ADISSP: variants seen among roughly 807,000 people sequenced by gnomAD.
The protein encoded by ADISSP is adipose-secreted signaling protein.
chr20:3,753,825 A>T, the ADISSP span: 1 of 574,448 alleles, frequency 1.7e-6, no homozygotes, highest in African/African-American at 1.9e-5. Flanking sequence ...GGCTCAACCC[A>T]TTTCTTCCGG....
At chr20:3,754,045 G>GGGGCCTC in the ADISSP span, 9 of 1,595,446 alleles carry the variant, frequency 5.6e-6, no homozygotes, top group Non-Finnish European at 7.7e-6. Flanking sequence ...CGGGGCAGGC[G>GGGGCCTC]GGGCCTCGGG....
chr20:3,758,670 G>C, the ADISSP span: 3 of 1,614,004 alleles, frequency 1.9e-6, no homozygotes, highest in Non-Finnish European at 2.5e-6. The surrounding 1 kb of genome is among the most constrained non-coding windows in gnomAD (Gnocchi z 5.5). Context: ...CGGACTCTGG[G>C]CTTGTTGCCT....
At chr20:3,755,528 C>T in the ADISSP span, 205 of 1,613,302 alleles carry the variant, frequency 1.3e-4, 2 homozygotes, top group South Asian at 1.9e-3. Context: ...AGGTGCCTCG[C>T]GGACATCCTT....
the ADISSP span, among the ~76,000 whole-genome samples, chr20:3,757,959 C>T: frequency 6.6e-6 from 1 of 151,960 alleles, no homozygotes; most frequent in African/African-American, 2.4e-5. Flanking sequence ...GATTTATTGA[C>T]CAACCTGAAG....
the ADISSP span, chr20:3,758,529 C>G: frequency 6.2e-7 from 1 of 1,608,226 alleles, no homozygotes; most frequent in Admixed American, 1.7e-5. The surrounding 1 kb of genome is among the most constrained non-coding windows in gnomAD (Gnocchi z 5.5). Flanking sequence ...GGTAGGTGTG[C>G]ATGTACCTTG....
At chr20:3,754,184 C>T in the ADISSP span, 1 of 1,589,604 alleles carries the variant, frequency 6.3e-7, no homozygotes, top group Non-Finnish European at 8.6e-7. Flanking sequence ...CAAGTCAGTG[C>T]CATGCTGGCC....
the ADISSP span, chr20:3,754,078 C>T: frequency 8.7e-6 from 14 of 1,613,052 alleles, no homozygotes; most frequent in East Asian, 6.7e-5. Flanking sequence ...CCGTGCCAGT[C>T]GCTGTGCTCT....
the ADISSP span, chr20:3,760,119 G>A: frequency 1.9e-5 from 31 of 1,599,448 alleles, no homozygotes; most frequent in East Asian, 4.0e-4. Context: ...TCCCTGCCAC[G>A]CAGCTCCTGC....
the ADISSP span, among the ~76,000 whole-genome samples, chr20:3,758,209 C>T: frequency 1.3e-5 from 2 of 152,204 alleles, no homozygotes; most frequent in Non-Finnish European, 2.9e-5. The surrounding 1 kb of genome is among the most constrained non-coding windows in gnomAD (Gnocchi z 5.5). Context: ...CTCAGGTGAC[C>T]TTCCCAAGGT....
chr20:3,757,913 C>T, the ADISSP span, among the ~76,000 whole-genome samples: 5 of 152,072 alleles, frequency 3.3e-5, no homozygotes, highest in Admixed American at 2.6e-4. Flanking sequence ...AGACCTCCCC[C>T]GACCCAAGGG....
chr20:3,761,176 C>T, the ADISSP span, among the ~76,000 whole-genome samples: 1 of 152,104 alleles, frequency 6.6e-6, no homozygotes, highest in Admixed American at 6.5e-5. Context: ...TAATAAATAA[C>T]AAAGAAATGA....
At chr20:3,767,571 G>A in the ADISSP span, 1 of 152,724 alleles carries the variant, frequency 6.5e-6, no homozygotes, top group Non-Finnish European at 1.5e-5. Flanking sequence ...TGGGGTCCCA[G>A]GCACTGACTG....
chr20:3,765,901 T>A, the ADISSP span, among the ~76,000 whole-genome samples: 5 of 152,054 alleles, frequency 3.3e-5, no homozygotes, highest in East Asian at 9.7e-4. Flanking sequence ...GCAAAAAAAA[T>A]TATACCCTTC....
At chr20:3,763,665 T>G in the ADISSP span, among the ~76,000 whole-genome samples, 1 of 151,974 alleles carries the variant, frequency 6.6e-6, no homozygotes, top group Non-Finnish European at 1.5e-5. Flanking sequence ...ATGTAAAGAA[T>G]TATGTCCTTA....
At chr20:3,758,510 T>C in the ADISSP span, 3 of 1,603,474 alleles carry the variant, frequency 1.9e-6, no homozygotes, top group African/African-American at 1.3e-5. The surrounding 1 kb of genome is among the most constrained non-coding windows in gnomAD (Gnocchi z 5.5). Flanking sequence ...GGGAAGAAGC[T>C]GCTGATGGGG....
the ADISSP span, among the ~76,000 whole-genome samples, chr20:3,765,650 T>C: frequency 1.9e-4 from 29 of 152,026 alleles, no homozygotes; most frequent in Admixed American, 1.9e-3. Flanking sequence ...GAGTGACCCT[T>C]AGAGTGGGCC....
chr20:3,753,895 G>A, the ADISSP span: 2 of 621,858 alleles, frequency 3.2e-6, no homozygotes, highest in Admixed American at 2.6e-5. Flanking sequence ...GAGGGGCAGG[G>A]TGGCAGCACA....
the ADISSP span, among the ~76,000 whole-genome samples, chr20:3,761,448 A>G: frequency 0.71 from 107,019 of 151,614 alleles, 38,753 homozygotes; most frequent in African/African-American, 0.87. Context: ...CGACTCTCCC[A>G]CCTCAGCATC....
the ADISSP span, among the ~76,000 whole-genome samples, chr20:3,766,793 G>T: frequency 6.6e-6 from 1 of 152,178 alleles, no homozygotes; most frequent in Non-Finnish European, 1.5e-5. Flanking sequence ...CAGAATGGGA[G>T]AGGGATGGGG....
Sources: gnomAD v4.1 joint callset for allele counts (sites outside exome capture counted in the v4.1 genomes callset) on GRCh38, gnomAD v4.1.1 for gene constraint, Gnocchi (gnomAD v3.1) non-coding constraint, MANE v1.5 for transcripts, NCBI Gene and HGNC (gene_info 2026-07-23, HGNC 2026-07-21) for gene names.